DGCR8: variants seen among roughly 807,000 people sequenced by gnomAD.
DGCR8 encodes microprocessor complex subunit DGCR8.
A neutral mutation model predicts 78.5 loss-of-function variants in DGCR8; 14 were observed. The observed-to-expected ratio is 0.18, with a 90% confidence interval of 0.12 to 0.28. DGCR8 has a LOEUF of 0.28. Ranked by LOEUF, DGCR8 falls within the 10% of genes least tolerant of loss-of-function variation. The pLI is 1.00. For synonymous variants in DGCR8, 399 were observed against 402.4 expected (o/e 0.99, Z 0.10); for missense variants, 702 against 1,022.5 (o/e 0.69, Z 4.28).
Position 20,094,896 on chromosome 22 carries a change from T to C in DGCR8, c.1788+101T>C, listed in dbSNP as rs985911274. On this transcript the variant is annotated intron_variant, in intron 9 of 13. Transcript: ENST00000351989. Reference sequence around the variant, plus strand: ...GGTGTCCGTGGGCTGTGCTCATGCCTTCCATGCCCTGTAGGTTAGTCTCAT... The same window carrying C: ...GGTGTCCGTGGGCTGTGCTCATGCCCTCCATGCCCTGTAGGTTAGTCTCAT... 2.5e-5 allele frequency: 24 copies of C among 975,950 alleles called. No individual in the cohort carries two copies. The African/African-American group carries it at 3.5e-4, about 14-fold the overall frequency. The allele number at this position is 975,950 out of a possible 1,614,324, so 60.5% of individuals were successfully genotyped here. A position where few individuals can be genotyped will look rare whatever the true frequency, so the allele number is the denominator to read the frequency against.
chr22:20,096,619 T>G (rs747129606), intron 9 of DGCR8: 2 of 326,696 alleles, frequency 6.1e-6, no homozygotes, highest in Non-Finnish European at 8.8e-6. Context: ...AACTACCTAA[T>G]TTTAGAGTAT....
At chr22:20,082,586 G>A (rs2049430826) in intron 1 of DGCR8, among the ~76,000 whole-genome samples, 1 of 151,470 alleles carries the variant, frequency 6.6e-6, no homozygotes. Flanking sequence ...CCAGGGTGGT[G>A]TCGATCTCCT....
chr22:20,094,258 C>T (rs758891268), intron 8 of DGCR8, among the ~76,000 whole-genome samples: 13 of 152,158 alleles, frequency 8.5e-5, no homozygotes, highest in Admixed American at 2.0e-4. Context: ...ATATCCGTGC[C>T]CTGCCCTCTA....
intron 9 of DGCR8, among the ~76,000 whole-genome samples, chr22:20,098,785 A>G (rs1234352156): frequency 2.0e-5 from 3 of 152,176 alleles, no homozygotes; most frequent in Non-Finnish European, 2.9e-5. Context: ...CACATTGCCC[A>G]TTTGATAGAG....
chr22:20,080,665 C>T (rs2049407835), intron 1 of DGCR8: 1 of 215,548 alleles, frequency 4.6e-6, no homozygotes, highest in Admixed American at 6.5e-5. Flanking sequence ...CGAAGCCTAG[C>T]ATCGCCTTCA....
intron 1 of DGCR8, 54 bp downstream of exon 1, chr22:20,080,437 T>C (rs112732902): frequency 2.0e-6 from 2 of 978,746 alleles, no homozygotes; most frequent in Non-Finnish European, 2.4e-6. Flanking sequence ...CGCCGCGGCC[T>C]GCGCGAGGGC....
rs2049690469 is a variant in DGCR8 at position 20,100,838 on chromosome 22, G to A, written c.1789-5339G>A. Reference sequence around the variant, plus strand: ...GATCCTCCCACACTGCAGCCTGTCTGGAGCTAGCGTCATATCTCCCCAGGT... The same window carrying A: ...GATCCTCCCACACTGCAGCCTGTCTAGAGCTAGCGTCATATCTCCCCAGGT... On this transcript the variant is annotated intron_variant, in intron 9 of 13. Transcript: ENST00000351989. The A allele has an allele frequency of 4.1e-6, 4 of 984,822 alleles. No individual in the cohort carries two copies. The Admixed American group carries it at 2.5e-4, about 61-fold the overall frequency. 61.0% of individuals were successfully genotyped at this position (984,822 alleles called of 1,614,324 possible).
chr22:20,093,619 A>C (rs377040076), intron 8 of DGCR8, among the ~76,000 whole-genome samples: 98 of 152,282 alleles, frequency 6.4e-4, no homozygotes, highest in African/African-American at 2.1e-3. Context: ...ATCCTCCCCC[A>C]GTGGTGCTGG....
intron 9 of DGCR8, chr22:20,101,992 G>T (rs1233744336): frequency 1.0e-6 from 1 of 985,256 alleles, no homozygotes; most frequent in Admixed American, 6.1e-5. Context: ...TTTTCACAAA[G>T]CTTGTGGTGA....
At chr22:20,082,844 C>T (rs1262574503) in intron 1 of DGCR8, among the ~76,000 whole-genome samples, 1 of 152,192 alleles carries the variant, frequency 6.6e-6, no homozygotes, top group African/African-American at 2.4e-5. Context: ...GCTTAAAGTG[C>T]TTAGAACAGG....
chr22:20,107,586 C>T (rs1356693631), intron 12 of DGCR8, 188 bp downstream of exon 12: 1 of 642,916 alleles, frequency 1.6e-6, no homozygotes, highest in East Asian at 2.8e-5. Context: ...CCTATCCCAG[C>T]CTGCTGGGCA....
chr22:20,106,802 C>T (rs946464308), intron 11 of DGCR8, 104 bp downstream of exon 11: 1 of 800,940 alleles, frequency 1.2e-6, no homozygotes, highest in African/African-American at 1.7e-5. Context: ...GGCATTGTCC[C>T]TGAGCCCAGC....
chr22:20,089,764 G>A lies in DGCR8; in HGVS notation c.976G>A (p.Val326Met). The change falls in exon 4 of 14, where the codon GTG becomes ATG. Residue 326 changes from valine to methionine, a missense_variant. This residue lies in a region of DGCR8 where 356 missense variants were observed against 448.9 expected (regional missense o/e 0.79). Coordinates refer to ENST00000351989, the MANE Select transcript of DGCR8 (RefSeq NM_022720.7). This position sits in a 1 kb window ranked among gnomAD's most constrained non-coding sequence, Gnocchi z 4.9. ...VPVYLHRESR[V>M]VTWSRPYFLG... ...GGTGTACCTACACAGAGAGTCTCGG[G>A]TGGTCACCTGGTCCAGGCCATACTT... 1 of 1,613,818 alleles carries A rather than the reference G, an allele frequency of 6.2e-7. No homozygotes were observed. Among genetic ancestry groups the A allele is most frequent in the Non-Finnish European group, 8.5e-7 (1 of 1,179,944 alleles).
intron 9 of DGCR8, chr22:20,101,803 C>T: frequency 1.0e-6 from 1 of 985,356 alleles, no homozygotes; most frequent in Non-Finnish European, 1.2e-6. Flanking sequence ...GTGCCAACAC[C>T]TGTCCTTGGA....
chr22:20,087,343 A>G lies in DGCR8; in HGVS notation c.880+22A>G. ...AAAAGTACGTGTGTGGGTCAGAAGC[A>G]GTGGGTGTTCCAGGGCAGTGGAGGG... On this transcript the variant is annotated intron_variant, in intron 3 of 13. Transcript: ENST00000351989. This position sits in a 1 kb window ranked among gnomAD's most constrained non-coding sequence, Gnocchi z 4.1. The G allele has an allele frequency of 6.3e-7, 1 of 1,584,954 alleles. No homozygotes were observed. Among genetic ancestry groups the G allele is most frequent in the Non-Finnish European group, 8.6e-7 (1 of 1,160,136 alleles).
At chr22:20,101,576 T>C in intron 9 of DGCR8, 1 of 947,542 alleles carries the variant, frequency 1.1e-6, no homozygotes, top group African/African-American at 1.9e-5. Context: ...AGAATATGTC[T>C]CAAAAAAAAA....
intron 12 of DGCR8, 163 bp downstream of exon 12, chr22:20,107,561 G>A (rs2049785589): frequency 5.1e-6 from 4 of 781,594 alleles, no homozygotes; most frequent in South Asian, 1.7e-5. Context: ...GGGTGGGGTC[G>A]TCCCAGCTAC....
chr22:20,108,468 C>A, intron 12 of DGCR8: 1 of 163,422 alleles, frequency 6.1e-6, no homozygotes, highest in Non-Finnish European at 1.3e-5. Context: ...CCTGATGCTG[C>A]TCTGCATTCA....
chr22:20,091,411 G>C, intron 5 of DGCR8, 24 bp from the exon 6 acceptor site: 2 of 1,612,994 alleles, frequency 1.2e-6, no homozygotes, highest in Admixed American at 1.7e-5. Flanking sequence ...TAAGTAATTT[G>C]TTTCTCTGGT....
Sources: gnomAD v4.1 joint callset for allele counts (sites outside exome capture counted in the v4.1 genomes callset) on GRCh38, gnomAD v4.1.1 for gene constraint, gnomAD v4.1.1 regional missense constraint, Gnocchi (gnomAD v3.1) non-coding constraint, MANE v1.5 for transcripts, NCBI Gene and HGNC (gene_info 2026-07-23, HGNC 2026-07-21) for gene names.